The following OIT3 variants were observed in gnomAD, a reference collection of about 807,000 sequenced individuals.
OIT3 encodes oncoprotein-induced transcript 3 protein.
A neutral mutation model predicts 52.2 loss-of-function variants in OIT3; 41 were observed. The ratio of observed to expected loss-of-function variants is 0.79; its 90% CI spans 0.61 to 1.02. The LOEUF is 1.02. Ranked by LOEUF, OIT3 falls within the 50% of genes least tolerant of loss-of-function variation. The pLI is 0.00. For synonymous variants in OIT3, 244 were observed against 276.9 expected (o/e 0.88, Z 1.18); for missense variants, 634 against 715.5 (o/e 0.89, Z 1.30).
rs759790374 is a variant in OIT3 at position 72,913,465 on chromosome 10, C to T, written c.948C>T (p.Val316=). 10 of 1,603,134 alleles carry T rather than the reference C, an allele frequency of 6.2e-6. No homozygotes were observed. The highest frequency in any genetic ancestry group is 5.5e-5 in the South Asian group (5 of 90,386). The change falls in exon 6 of 9, where the codon GTC becomes GTT. Residue 316 remains valine (V), a synonymous_variant. Transcript: ENST00000334011. ...CTCTCAAGACATGTGGTACAGTGGT[C>T]GATGTAGGTTCCTCCTGGAGGGCAC... ...LFSLKTCGTV[V]DVVNDKIVAS...
intron 7 of OIT3, among the ~76,000 whole-genome samples, chr10:72,928,321 C>T (rs986052542): frequency 6.6e-6 from 1 of 152,150 alleles, no homozygotes; most frequent in African/African-American, 2.4e-5. Flanking sequence ...AGTTTTGATT[C>T]CATTATACCC....
At chr10:72,913,646 G>T in intron 6 of OIT3, 178 bp downstream of exon 6, 1 of 696,752 alleles carries the variant, frequency 1.4e-6, no homozygotes, top group Non-Finnish European at 2.6e-6. Context: ...ATCTGCTGTG[G>T]TCCTGGCACT....
intron 3 of OIT3, among the ~76,000 whole-genome samples, chr10:72,905,436 A>C (rs1845969809): frequency 1.3e-5 from 2 of 151,974 alleles, no homozygotes; most frequent in Non-Finnish European, 2.9e-5. Context: ...ACACCACTGC[A>C]CTCCAGTCTG....
At chr10:72,906,857 C>A in intron 4 of OIT3, 139 bp downstream of exon 4, 1 of 747,070 alleles carries the variant, frequency 1.3e-6, no homozygotes. Context: ...AGGCGTTCAT[C>A]AACATTGAGA....
At chr10:72,903,989 A>C (rs1371007544) in intron 3 of OIT3, among the ~76,000 whole-genome samples, 1 of 152,186 alleles carries the variant, frequency 6.6e-6, no homozygotes, top group African/African-American at 2.4e-5. Context: ...CAGAAATGAA[A>C]TCCACAGGCA....
chr10:72,932,472 T>A lies in OIT3; in HGVS notation c.1586T>A (p.Leu529Gln), dbSNP rs1336737360. ...GCAGGAGGAGAGGACTCAGCCGGTC[T>A]ACAGGGCCAGACGCTAACAGGCGGC... ...RGAGGEDSAG[L>Q]QGQTLTGGPI... Residue 529 changes from leucine (L) to glutamine (Q), a missense_variant, in exon 9 of 9, where the codon CTA becomes CAA. By Grantham distance (113) the Leu-to-Gln change is moderately radical. Transcript: ENST00000334011. The A allele has an allele frequency of 6.2e-7, 1 of 1,613,796 alleles. No individual in the cohort carries two copies. The highest frequency in any genetic ancestry group is 8.5e-7 in the Non-Finnish European group (1 of 1,179,908).
intron 3 of OIT3, among the ~76,000 whole-genome samples, chr10:72,903,193 T>A (rs1845948866): frequency 1.3e-5 from 2 of 152,332 alleles, no homozygotes; most frequent in Middle Eastern, 3.4e-3. Context: ...TACCTAGATT[T>A]AACTAGAGTT....
chr10:72,901,872 T>C (rs1023713489), intron 3 of OIT3, among the ~76,000 whole-genome samples: 1 of 152,010 alleles, frequency 6.6e-6, no homozygotes, highest in African/African-American at 2.4e-5. Flanking sequence ...TGAGACCCCA[T>C]CTCTATAAAA....
intron 7 of OIT3, among the ~76,000 whole-genome samples, chr10:72,927,419 C>T (rs959110226): frequency 2.0e-5 from 3 of 152,174 alleles, no homozygotes; most frequent in African/African-American, 4.8e-5. Flanking sequence ...GGATTACAAA[C>T]GTGAGCCACC....
In OIT3 at chr10:72,924,472, T is replaced by C. The variant is rs948257347; in HGVS notation, c.1195T>C (p.Phe399Leu). 2 of 1,614,092 alleles carry C rather than the reference T, an allele frequency of 1.2e-6. No individual in the cohort carries two copies. The highest frequency in any genetic ancestry group is 1.7e-6 in the Non-Finnish European group (2 of 1,179,968). ...FTLEIFKDNE[F>L]EEPYREALPT... ...TCTGGAGATCTTCAAGGACAATGAG[T>C]TTGAAGAGCCTTACCGGGAAGCTCT... The change falls in exon 7 of 9, where the codon TTT becomes CTT. Residue 399 changes from phenylalanine (F) to leucine (L), a missense_variant. Phe to Leu is a conservative substitution (Grantham distance 22). Transcript: ENST00000334011.
At chr10:72,903,424 C>T (rs927894715) in intron 3 of OIT3, among the ~76,000 whole-genome samples, 14 of 152,180 alleles carry the variant, frequency 9.2e-5, no homozygotes, top group African/African-American at 3.4e-4. Context: ...GACAGGGTTT[C>T]ACCATGTTAG....
intron 3 of OIT3, among the ~76,000 whole-genome samples, chr10:72,901,519 C>T (rs1425431013): frequency 6.6e-6 from 1 of 152,118 alleles, no homozygotes; most frequent in Non-Finnish European, 1.5e-5. Flanking sequence ...GGGAAGATTG[C>T]CCTACCCTGG....
intron 3 of OIT3, among the ~76,000 whole-genome samples, chr10:72,903,353 G>T (rs1229001833): frequency 1.3e-5 from 2 of 152,092 alleles, no homozygotes; most frequent in Admixed American, 1.3e-4. Context: ...AGCCTCTAGA[G>T]TAGCTAGGAT....
intron 6 of OIT3, among the ~76,000 whole-genome samples, chr10:72,923,585 G>A (rs963340515): frequency 2.6e-5 from 4 of 152,308 alleles, no homozygotes; most frequent in African/African-American, 9.6e-5. Context: ...TGCTGAAACA[G>A]CAAAGATGGT....
intron 3 of OIT3, among the ~76,000 whole-genome samples, chr10:72,902,750 G>A (rs1278583596): frequency 1.3e-5 from 2 of 152,098 alleles, no homozygotes; most frequent in Non-Finnish European, 2.9e-5. Flanking sequence ...ATTGGATTTC[G>A]TGAGACTTAC....
chr10:72,898,755 T>A lies in OIT3; in HGVS notation c.153T>A (p.Cys51Ter), dbSNP rs1400473017. Residue 51 changes from cysteine (C) to a stop codon, truncating the protein, a stop_gained, in exon 2 of 9, where the codon TGT becomes TGA. Coordinates refer to ENST00000334011, the MANE Select transcript of OIT3 (RefSeq NM_152635.3). LOFTEE classifies it high-confidence loss of function. ...QLDESQGPPL[C>*]DNHVNGEWYH... is the part of the protein sequence containing the mutation. Reference sequence around the variant, plus strand: ...ATGAGTCTCAAGGTCCTCCTCTATGTGACAACCATGTGAATGGGGAGTGGT... The same window carrying A: ...ATGAGTCTCAAGGTCCTCCTCTATGAGACAACCATGTGAATGGGGAGTGGT... The A allele has an allele frequency of 6.2e-7, 1 of 1,614,148 alleles. No individual in the cohort carries two copies. Among genetic ancestry groups the A allele is most frequent in the East Asian group, 2.2e-5 (1 of 44,876 alleles).
chr10:72,907,196 C>T (rs1164717265), intron 4 of OIT3, among the ~76,000 whole-genome samples: 1 of 151,944 alleles, frequency 6.6e-6, no homozygotes, highest in African/African-American at 2.4e-5. Flanking sequence ...TTACTTGAGC[C>T]CAAGAGTTTG....
At position 72,898,779 on chromosome 10, in the gene OIT3, G is replaced by T. The variant is rs374077332; in HGVS notation, c.177G>T (p.Trp59Cys). 1 of 1,614,008 alleles carries T rather than the reference G, an allele frequency of 6.2e-7. No individual in the cohort carries two copies. Among genetic ancestry groups the T allele is most frequent in the Admixed American group, 1.7e-5 (1 of 60,004 alleles). ...PLCDNHVNGE[W>C]YHFTGMAGDA... ...GTGACAACCATGTGAATGGGGAGTGGTACCACTTCACGGGCATGGCGGGAG... is the reference window on the plus strand; with the variant it reads ...GTGACAACCATGTGAATGGGGAGTGTTACCACTTCACGGGCATGGCGGGAG... The change falls in exon 2 of 9, where the codon TGG (tryptophan) becomes TGT (cysteine). Residue 59 changes from tryptophan to cysteine, a missense_variant. Coordinates refer to ENST00000334011, the MANE Select transcript of OIT3 (RefSeq NM_152635.3).
In OIT3 at chr10:72,900,374, T is replaced by A. The variant is rs367590450; in HGVS notation, c.437-3T>A. On this transcript the variant is annotated splice_region_variant and splice_polypyrimidine_tract_variant and intron_variant, in intron 2 of 8. Coordinates refer to ENST00000334011, the MANE Select transcript of OIT3 (RefSeq NM_152635.3). ...CATGAAGATAATCTTTATTCTTCCATAGATTTTTATGACATCTGCGACGAG... is the reference window on the plus strand; with the variant it reads ...CATGAAGATAATCTTTATTCTTCCAAAGATTTTTATGACATCTGCGACGAG... The A allele has an allele frequency of 6.5e-7, 1 of 1,545,914 alleles. No individual in the cohort carries two copies. Among genetic ancestry groups the A allele is most frequent in the Non-Finnish European group, 8.9e-7 (1 of 1,120,226 alleles).
Sources: allele counts gnomAD v4.1 joint callset (sites outside exome capture counted in the v4.1 genomes callset), GRCh38; gene constraint gnomAD v4.1.1; transcripts MANE v1.5; gene names NCBI Gene and HGNC (gene_info 2026-07-23, HGNC 2026-07-21).